Variants in MMP16 observed in about 807,000 individuals in gnomAD.
The protein encoded by MMP16 is matrix metalloproteinase-16.
A neutral mutation model predicts 67.8 loss-of-function variants in MMP16; 12 were observed. The ratio of observed to expected loss-of-function variants is 0.18; its 90% CI spans 0.11 to 0.29. The LOEUF is 0.29. Ranked by LOEUF, MMP16 falls within the 10% of genes least tolerant of loss-of-function variation. MMP16 has a pLI of 1.00. For missense variants in MMP16, 475 were observed against 765.7 expected, an observed-to-expected ratio of 0.62 and a Z score of 4.48; for synonymous variants, 249 against 255.9, an observed-to-expected ratio of 0.97 and a Z score of 0.26.
chr8:88,165,614 T>C (rs915427493), intron 4 of MMP16, among the ~76,000 whole-genome samples: 3 of 152,084 alleles, frequency 2.0e-5, no homozygotes, highest in Non-Finnish European at 4.4e-5. Context: ...CTGTGTGATT[T>C]TGAAAAAACA....
rs185698179 is a variant in MMP16 at position 88,245,673 on chromosome 8, G to T, written c.133-48367C>A. ...GGACCCAACAGGACTGTTGTTTTTG[G>T]CATCACTACAGGCCCAAGTGGCTGC... On this transcript the variant is annotated intron_variant, in intron 1 of 9. Coordinates refer to ENST00000286614, the MANE Select transcript of MMP16 (RefSeq NM_005941.5). Among the ~76,000 whole-genome samples, 405 of 152,188 alleles carry T rather than the reference G, an allele frequency of 2.7e-3. 4 individuals carry two copies. The Middle Eastern group carries it at 0.048, about 18-fold the overall frequency.
At chr8:88,225,423 T>C (rs1012193336) in intron 1 of MMP16, among the ~76,000 whole-genome samples, 5 of 152,018 alleles carry the variant, frequency 3.3e-5, no homozygotes, top group Admixed American at 2.0e-4. Context: ...GGGTTATTTA[T>C]TATCTTTAAA....
intron 3 of MMP16, among the ~76,000 whole-genome samples, chr8:88,183,015 A>T (rs1228392640): frequency 6.6e-6 from 1 of 152,136 alleles, no homozygotes; most frequent in Non-Finnish European, 1.5e-5. Flanking sequence ...AAAACGATGG[A>T]GACATTAAAA....
chr8:88,205,256 C>CACCAAA (rs1809408193), intron 1 of MMP16, among the ~76,000 whole-genome samples: 1 of 152,128 alleles, frequency 6.6e-6, no homozygotes, highest in South Asian at 2.1e-4. Context: ...ACCTGACTGA[C>CACCAAA]ACCAAGCTTG....
intron 4 of MMP16, among the ~76,000 whole-genome samples, chr8:88,139,817 A>C (rs1808182123): frequency 6.6e-6 from 1 of 152,128 alleles, no homozygotes. Flanking sequence ...TGAATGTTTT[A>C]GTTAATTTCA....
chr8:88,234,260 T>C (rs1809907003), intron 1 of MMP16, among the ~76,000 whole-genome samples: 1 of 152,232 alleles, frequency 6.6e-6, no homozygotes, highest in Non-Finnish European at 1.5e-5. Context: ...TGTGAATTTG[T>C]CATTTTGAAA....
chr8:88,045,558 A>G (rs1275949720), intron 9 of MMP16, among the ~76,000 whole-genome samples: 1 of 151,986 alleles, frequency 6.6e-6, no homozygotes, highest in Non-Finnish European at 1.5e-5. Context: ...TTTTTAGTAG[A>G]GATGGGGGTG....
intron 5 of MMP16, among the ~76,000 whole-genome samples, chr8:88,118,094 C>G (rs1438004967): frequency 6.6e-6 from 1 of 152,010 alleles, no homozygotes; most frequent in Non-Finnish European, 1.5e-5. Flanking sequence ...CATTACTATA[C>G]TAAAAATTTG....
chr8:88,178,389 A>C (rs977225302), intron 3 of MMP16, among the ~76,000 whole-genome samples: 1 of 152,212 alleles, frequency 6.6e-6, no homozygotes, highest in African/African-American at 2.4e-5. Context: ...AAGAATCCAA[A>C]CAGAAATTAA....
At chr8:88,092,176 A>G (rs1257393199) in intron 6 of MMP16, among the ~76,000 whole-genome samples, 1 of 151,898 alleles carries the variant, frequency 6.6e-6, no homozygotes, top group South Asian at 2.1e-4. Flanking sequence ...TGGTGTAGTC[A>G]GCTGAAATGC....
At chr8:88,204,496 C>CA (rs1013116919) in intron 1 of MMP16, among the ~76,000 whole-genome samples, 2 of 151,406 alleles carry the variant, frequency 1.3e-5, no homozygotes, top group African/African-American at 4.8e-5. Context: ...AAAGAACTCT[C>CA]AAAAAAATGA....
chr8:88,164,549 A>G (rs977678466), intron 4 of MMP16, among the ~76,000 whole-genome samples: 4 of 152,056 alleles, frequency 2.6e-5, no homozygotes, highest in African/African-American at 9.6e-5. Flanking sequence ...ATTAAGCAGT[A>G]AATCTTTTTG....
intron 1 of MMP16, among the ~76,000 whole-genome samples, chr8:88,291,148 G>A (rs912601553): frequency 1.3e-5 from 2 of 151,938 alleles, no homozygotes; most frequent in Non-Finnish European, 2.9e-5. Context: ...AGATATGATG[G>A]TGGATGCTTG....
intron 1 of MMP16, among the ~76,000 whole-genome samples, chr8:88,221,367 G>T (rs1484218106): frequency 6.6e-6 from 1 of 151,998 alleles, no homozygotes; most frequent in African/African-American, 2.4e-5. Context: ...AGCAAGGCTG[G>T]CCATGACATT....
chr8:88,100,688 T>G (rs1563531577), intron 6 of MMP16, among the ~76,000 whole-genome samples: 1 of 152,002 alleles, frequency 6.6e-6, no homozygotes, highest in Non-Finnish European at 1.5e-5. Context: ...GTATGTTTAT[T>G]GTGGCACTAT....
chr8:88,070,430 T>C (rs987787749), intron 7 of MMP16, among the ~76,000 whole-genome samples: 1 of 152,148 alleles, frequency 6.6e-6, no homozygotes, highest in Non-Finnish European at 1.5e-5. Context: ...GCCGGTACTA[T>C]GGCCCTCCGT....
chr8:88,161,725 G>A (rs556170464), intron 4 of MMP16, among the ~76,000 whole-genome samples: 21 of 152,140 alleles, frequency 1.4e-4, no homozygotes, highest in South Asian at 2.1e-4. Flanking sequence ...TGCTTTAAAC[G>A]TGTCCCAGAG....
chr8:88,063,413 C>A (rs1808425793), intron 7 of MMP16, among the ~76,000 whole-genome samples: 1 of 150,234 alleles, frequency 6.7e-6, no homozygotes, highest in African/African-American at 2.4e-5. Context: ...AGACAGTCAA[C>A]AAATAATCCC....
intron 1 of MMP16, among the ~76,000 whole-genome samples, chr8:88,300,692 G>A (rs1811084024): frequency 6.6e-6 from 1 of 152,124 alleles, no homozygotes; most frequent in African/African-American, 2.4e-5. Flanking sequence ...TACTATTGCT[G>A]GTTTCAGGCA....
Sources: allele counts gnomAD v4.1 joint callset (sites outside exome capture counted in the v4.1 genomes callset), GRCh38; gene constraint gnomAD v4.1.1; transcripts MANE v1.5; gene names NCBI Gene and HGNC (gene_info 2026-07-23, HGNC 2026-07-21).